HECTD4: variants seen among roughly 807,000 people sequenced by gnomAD.
HECTD4 encodes probable E3 ubiquitin-protein ligase HECTD4.
In HECTD4, 114 loss-of-function variants were observed where a neutral mutation model predicts 471.5. The observed-to-expected ratio is 0.24, with a 90% CI of 0.21 to 0.28. The LOEUF is 0.28. Among genes scored for constraint, HECTD4 ranks in the 10% least tolerant of loss-of-function variants. The pLI, the probability that HECTD4 is intolerant of heterozygous loss-of-function variation, is 1.00. For synonymous variants in HECTD4, 2,012 were observed against 2,256.0 expected, an observed-to-expected ratio of 0.89 and a Z score of 3.07; for missense variants, 3,866 against 5,651.5, an observed-to-expected ratio of 0.68 and a Z score of 10.13.
rs1282035849 is a variant in HECTD4, at chr12:112,166,540, G to A, written c.12534+777C>T. ...CCAGGATGGCTCTCTCAGCTGTAGG[G>A]CACGTGGTGCTGGAGAGCCCGGAAG... is the stretch of plus-strand genomic sequence containing the variant. On this transcript the variant is annotated intron_variant, in intron 72 of 75. Coordinates refer to ENST00000682272, the MANE Select transcript of HECTD4 (RefSeq NM_001388303.1). This position sits in a 1 kb window ranked among gnomAD's most constrained non-coding sequence, Gnocchi z 4.6. The A allele has an allele frequency of 6.6e-6, 1 of 152,306 alleles. No homozygotes were observed. Among genetic ancestry groups the A allele is most frequent in the East Asian group, 1.9e-4 (1 of 5,202 alleles). The allele number at this position is 152,306 out of a possible 1,614,324, so 9.4% of individuals were successfully genotyped here. A position where few individuals can be genotyped will look rare whatever the true frequency, so the allele number is the denominator to read the frequency against.
chr12:112,367,487 C>A (rs1003445773), intron 1 of HECTD4, among the ~76,000 whole-genome samples: 1 of 151,806 alleles, frequency 6.6e-6, no homozygotes, highest in African/African-American at 2.4e-5. Flanking sequence ...GGTTCAGAAC[C>A]CCTGAGGGAA....
chr12:112,221,641 ACCTGGTGCGGTTTCTCATG>A (rs1168787511), intron 44 of HECTD4, among the ~76,000 whole-genome samples: 1 of 152,016 alleles, frequency 6.6e-6, no homozygotes, highest in Non-Finnish European at 1.5e-5. Context: ...ATCAAAACTA[ACCTGGTGCGGTTTCTCATG>A]CCTGTAATCC....
chr12:112,272,423 T>C (rs982717880), intron 11 of HECTD4, among the ~76,000 whole-genome samples: 1 of 152,196 alleles, frequency 6.6e-6, no homozygotes, highest in Non-Finnish European at 1.5e-5. Context: ...CTGTATTCCT[T>C]AGTGGTTGTC....
At chr12:112,220,112 G>GA (rs952062072) in intron 44 of HECTD4, among the ~76,000 whole-genome samples, 1 of 152,174 alleles carries the variant, frequency 6.6e-6, no homozygotes, top group Non-Finnish European at 1.5e-5. Context: ...AAGATGTGAT[G>GA]AAATAACTTA....
chr12:112,237,558 C>G (rs533638976), intron 34 of HECTD4, among the ~76,000 whole-genome samples: 1 of 152,206 alleles, frequency 6.6e-6, no homozygotes, highest in African/African-American at 2.4e-5. Context: ...TGAGTCTACA[C>G]ACGCTGTTTG....
chr12:112,228,099 T>C lies in HECTD4; in HGVS notation c.6844A>G (p.Ile2282Val), dbSNP rs2033287890. Residue 2282 changes from isoleucine to valine, a missense_variant, in exon 43 of 76, where the codon ATA becomes GTA. Ile to Val is a conservative substitution (Grantham distance 29). Transcript: ENST00000682272. The surrounding 1 kb of genome is among the most constrained non-coding windows in gnomAD (Gnocchi z 4.9). ...VMAVVRLLAEIRTRACLVMAQ... is the reference protein window; with the variant it reads ...VMAVVRLLAEVRTRACLVMAQ... ...GGGGAGGGTACTCACCTTGTCCTTA[T>C]TTCAGCAAGGAGCCGAACGACTGCC... 3 of 1,612,238 alleles carry C rather than the reference T, an allele frequency of 1.9e-6. No homozygotes were observed. Among genetic ancestry groups the C allele is most frequent in the Non-Finnish European group, 2.5e-6 (3 of 1,179,064 alleles).
rs746679751 is a variant in HECTD4 at position 112,185,285 on chromosome 12, C to T, written c.9681G>A (p.Thr3227=). ...SELHKLYDEE[T]QNWVSGGACG... is the part of the protein sequence containing the mutation. Reference sequence around the variant, plus strand: ...AGGCGCCGCCTGAGACCCAGTTCTGCGTCTCCTCGTCGTACAGCTTGTGGA... The same window carrying T: ...AGGCGCCGCCTGAGACCCAGTTCTGTGTCTCCTCGTCGTACAGCTTGTGGA... Residue 3227 remains threonine, a synonymous_variant, in exon 61 of 76, where the codon ACG becomes ACA. Coordinates refer to ENST00000682272, the MANE Select transcript of HECTD4 (RefSeq NM_001388303.1). 2.6e-6 allele frequency: 4 copies of T among 1,553,324 alleles called. No individual in the cohort carries two copies. The highest frequency in any genetic ancestry group is 2.4e-5 in the South Asian group (2 of 84,406).
At chr12:112,360,313 G>C (rs1306705711) in intron 1 of HECTD4, among the ~76,000 whole-genome samples, 1 of 152,144 alleles carries the variant, frequency 6.6e-6, no homozygotes, top group Non-Finnish European at 1.5e-5. Context: ...CTGGGCAACA[G>C]AGTGAGACCC....
chr12:112,235,084 A>G lies in HECTD4; in HGVS notation c.5908T>C (p.Leu1970=). The change falls in exon 37 of 76, where the codon TTG becomes CTG. Residue 1970 remains leucine (L), a synonymous_variant. Coordinates refer to ENST00000682272, the MANE Select transcript of HECTD4 (RefSeq NM_001388303.1). The surrounding 1 kb of genome is among the most constrained non-coding windows in gnomAD (Gnocchi z 5.0). ...DQSSHEVLQP[L]LSSSEGRPFR... is the part of the protein sequence containing the mutation. ...CACAATCATTATGGTCACCTTAGCA[A>G]TGGCTGGAGGACTTCATGGGATGAC... is the stretch of plus-strand genomic sequence containing the variant. 2 of 1,569,430 alleles carry G rather than the reference A, an allele frequency of 1.3e-6. No individual in the cohort carries two copies. Among genetic ancestry groups the G allele is most frequent in the South Asian group, 2.3e-5 (2 of 85,842 alleles).
Position 112,194,523 on chromosome 12 carries a change from T to C in HECTD4, c.8749+362A>G, listed in dbSNP as rs1039896656. On this transcript the variant is annotated intron_variant, in intron 56 of 75. Coordinates refer to ENST00000682272, the MANE Select transcript of HECTD4 (RefSeq NM_001388303.1). The surrounding 1 kb of genome is among the most constrained non-coding windows in gnomAD (Gnocchi z 4.6). ...CAGAACTTATGATGAACCAAATAGG[T>C]CTGCTTTGGAGGACGCTGATGACAG... 6.6e-6 allele frequency among the ~76,000 whole-genome samples: 1 copy of C among 152,158 alleles called. No individual in the cohort carries two copies. The highest frequency in any genetic ancestry group is 2.4e-5 in the African/African-American group (1 of 41,424).
At chr12:112,190,547 G>C (rs1165163255) in intron 60 of HECTD4, among the ~76,000 whole-genome samples, 1 of 152,182 alleles carries the variant, frequency 6.6e-6, no homozygotes, top group Non-Finnish European at 1.5e-5. Flanking sequence ...TTATTTTCCT[G>C]GTTAGTTTCC....
At position 112,162,032 on chromosome 12, in the gene HECTD4, G is replaced by A. The variant is rs1320537440; in HGVS notation, c.*355C>T. The A allele has an allele frequency of 3.0e-5, 6 of 198,520 alleles. No individual in the cohort carries two copies. The highest frequency in any genetic ancestry group is 6.9e-5 in the African/African-American group (3 of 43,230). 12.3% of individuals were successfully genotyped at this position (198,520 alleles called of 1,614,324 possible). On this transcript the variant is annotated 3_prime_UTR_variant, in exon 76 of 76. Coordinates refer to ENST00000682272, the MANE Select transcript of HECTD4 (RefSeq NM_001388303.1). This position sits in a 1 kb window ranked among gnomAD's most constrained non-coding sequence, Gnocchi z 5.2. ...GTGTGGCCGAGGTCATTGTACCCCC[G>A]GCTTCCTGCTGGGTGGTTCTGTGAT... is the stretch of plus-strand genomic sequence containing the variant.
At chr12:112,326,092 A>C (rs1209710400) in intron 1 of HECTD4, among the ~76,000 whole-genome samples, 1 of 152,188 alleles carries the variant, frequency 6.6e-6, no homozygotes, top group Admixed American at 6.6e-5. Context: ...CCTGGCCAAC[A>C]TAAGTGTTTT....
intron 44 of HECTD4, among the ~76,000 whole-genome samples, chr12:112,219,901 G>C (rs931753736): frequency 5.3e-5 from 8 of 152,110 alleles, no homozygotes; most frequent in African/African-American, 1.9e-4. Context: ...CGCCCAGCCT[G>C]AAATTCTTAT....
In HECTD4 at chr12:112,182,835, C is replaced by T. The variant is rs996898042; in HGVS notation, c.10987+224G>A. Among the ~76,000 whole-genome samples the T allele has an allele frequency of 2.0e-5, 3 of 152,248 alleles. No individual in the cohort carries two copies. In the South Asian group the frequency reaches 6.2e-4, roughly 32 times the overall value. The stretch of plus-strand genomic sequence containing the variant: ...ATCATACAAAGATGCACATAACCAG[C>T]CCCCACTGACAAACAATGGAGCCTC... On this transcript the variant is annotated intron_variant, in intron 62 of 75. Coordinates refer to ENST00000682272, the MANE Select transcript of HECTD4 (RefSeq NM_001388303.1).
intron 1 of HECTD4, among the ~76,000 whole-genome samples, chr12:112,323,722 G>C (rs1211210958): frequency 1.3e-5 from 2 of 151,768 alleles, no homozygotes; most frequent in Non-Finnish European, 2.9e-5. Context: ...TGAAGGAATT[G>C]TTCCCAGTTG....
intron 64 of HECTD4, among the ~76,000 whole-genome samples, chr12:112,177,375 C>CTTTTTTT (rs1170542769): frequency 3.5e-5 from 5 of 143,466 alleles, no homozygotes; most frequent in African/African-American, 8.0e-5. Context: ...TGTTATGAGG[C>CTTTTTTT]TATTTTTTTT....
At chr12:112,205,588 T>C (rs2135537075) in intron 52 of HECTD4, among the ~76,000 whole-genome samples, 1 of 152,166 alleles carries the variant, frequency 6.6e-6, no homozygotes, top group Middle Eastern at 3.4e-3. Context: ...GTAACGTTTC[T>C]TTTTCTTTTT....
At chr12:112,227,978 G>T in intron 43 of HECTD4, 111 bp downstream of exon 43, 1 of 945,804 alleles carries the variant, frequency 1.1e-6, no homozygotes, top group Non-Finnish European at 1.6e-6. Flanking sequence ...TTTAGTGTGA[G>T]CTTCAAGCTG....
Sources: allele counts gnomAD v4.1 joint callset (sites outside exome capture counted in the v4.1 genomes callset), GRCh38; gene constraint gnomAD v4.1.1; non-coding constraint Gnocchi (gnomAD v3.1); transcripts MANE v1.5; gene names NCBI Gene and HGNC (gene_info 2026-07-23, HGNC 2026-07-21).